The following DRD2 variants were observed in gnomAD, a reference collection of about 807,000 sequenced individuals.
DRD2 encodes D(2) dopamine receptor.
DRD2 carries 8 observed loss-of-function variants against 38.0 expected under a neutral mutation model. That is an observed-to-expected ratio of 0.21 (90% CI 0.12 to 0.38). The LOEUF (loss-of-function observed/expected upper bound fraction) is 0.38. Ranked by LOEUF, DRD2 falls within the 10% of genes least tolerant of loss-of-function variation. DRD2 has a pLI of 1.00. For missense variants in DRD2, 403 were observed against 607.7 expected (o/e 0.66, Z 3.54); for synonymous variants, 230 against 238.6 (o/e 0.96, Z 0.33).
At position 113,415,619 on chromosome 11, in the gene DRD2, AGG is replaced by A; in HGVS notation, c.533-10_533-9del. 6.2e-7 allele frequency: 1 copy of A among 1,609,170 alleles called. No homozygotes were observed. Among genetic ancestry groups the A allele is most frequent in the Non-Finnish European group, 8.5e-7 (1 of 1,177,474 alleles). On this transcript the variant is annotated splice_polypyrimidine_tract_variant and intron_variant, in intron 4 of 7. Transcript: ENST00000362072. Reference sequence around the variant, plus strand: ...TGATGCACTCGTTCTGGTCTGGGGGAGGGAGAGCCCGGGCAGGCAGGGAGTCA... The same window carrying A: ...TGATGCACTCGTTCTGGTCTGGGGGAGAGAGCCCGGGCAGGCAGGGAGTCA...
At chr11:113,447,145 A>G (rs1460549745) in intron 1 of DRD2, among the ~76,000 whole-genome samples, 1 of 152,110 alleles carries the variant, frequency 6.6e-6, no homozygotes, top group African/African-American at 2.4e-5. Flanking sequence ...CAGCCTCCAA[A>G]GACAGCAGCC....
At chr11:113,463,274 C>T (rs1951339474) in intron 1 of DRD2, among the ~76,000 whole-genome samples, 1 of 152,152 alleles carries the variant, frequency 6.6e-6, no homozygotes, top group Non-Finnish European at 1.5e-5. Flanking sequence ...ATTTTTGGAG[C>T]TGGTTAAATT....
intron 1 of DRD2, among the ~76,000 whole-genome samples, chr11:113,450,894 A>G (rs1379015320): frequency 6.6e-6 from 1 of 152,190 alleles, no homozygotes; most frequent in Non-Finnish European, 1.5e-5. Context: ...AATAAAATAG[A>G]CTTTTGGAGG....
intron 1 of DRD2, among the ~76,000 whole-genome samples, chr11:113,426,412 A>G (rs1950942035): frequency 6.6e-6 from 1 of 152,238 alleles, no homozygotes; most frequent in Non-Finnish European, 1.5e-5. Context: ...TTCAGCTAAC[A>G]AAAGTCTTCC....
intron 1 of DRD2, among the ~76,000 whole-genome samples, chr11:113,442,147 T>C (rs1465687897): frequency 1.3e-5 from 2 of 152,138 alleles, no homozygotes; most frequent in African/African-American, 4.8e-5. Context: ...TTGCCTTAGC[T>C]TGGAAGTGGC....
intron 1 of DRD2, among the ~76,000 whole-genome samples, chr11:113,435,425 C>G (rs1012133979): frequency 6.6e-6 from 1 of 151,978 alleles, no homozygotes; most frequent in South Asian, 2.1e-4. Context: ...AAATCCTCAC[C>G]GCTCCGATAC....
chr11:113,468,329 A>G (rs1256965517), intron 1 of DRD2, among the ~76,000 whole-genome samples: 9 of 152,190 alleles, frequency 5.9e-5, no homozygotes, highest in Admixed American at 2.6e-4. Flanking sequence ...TAAATAGGTG[A>G]CTAAATATTG....
At chr11:113,471,429 T>C (rs1046754483) in intron 1 of DRD2, among the ~76,000 whole-genome samples, 6 of 152,144 alleles carry the variant, frequency 3.9e-5, no homozygotes, top group Non-Finnish European at 7.4e-5. Context: ...GGCTTATACC[T>C]AATCCCAAGG....
chr11:113,467,250 T>C (rs1951379293), intron 1 of DRD2, among the ~76,000 whole-genome samples: 1 of 152,190 alleles, frequency 6.6e-6, no homozygotes, highest in African/African-American at 2.4e-5. Flanking sequence ...CTACCATAGC[T>C]AAATGGTGAG....
At chr11:113,425,261 T>C (rs1356976296) in intron 1 of DRD2, among the ~76,000 whole-genome samples, 1 of 152,146 alleles carries the variant, frequency 6.6e-6, no homozygotes, top group Non-Finnish European at 1.5e-5. Context: ...GAAGGCTTTC[T>C]AGAGGAAGTG....
chr11:113,458,764 C>G (rs1951290185), intron 1 of DRD2, among the ~76,000 whole-genome samples: 2 of 152,186 alleles, frequency 1.3e-5, no homozygotes, highest in Admixed American at 1.3e-4. Context: ...CTCCAACTTA[C>G]CCAAGTTCTA....
intron 2 of DRD2, among the ~76,000 whole-genome samples, chr11:113,421,982 C>G (rs535362198): frequency 6.6e-6 from 1 of 152,298 alleles, no homozygotes; most frequent in African/African-American, 2.4e-5. Context: ...TTTAAAGGAT[C>G]TGTTCGAAAG....
In DRD2 at chr11:113,424,245, A is replaced by G. The variant is rs1396709858; in HGVS notation, c.285+122T>C. On this transcript the variant is annotated intron_variant, in intron 2 of 7. Coordinates refer to ENST00000362072, the MANE Select transcript of DRD2 (RefSeq NM_000795.4). The stretch of plus-strand genomic sequence containing the variant: ...GAAAAAGTAAGCCCAGAGTGAAGGA[A>G]AAACCACCTGGGGAAGCACCAGGAA... 10 of 1,154,916 alleles carry G rather than the reference A, an allele frequency of 8.7e-6. No homozygotes were observed. The African/African-American group carries it at 1.1e-4, about 13-fold the overall frequency. 71.5% of individuals were successfully genotyped at this position (1,154,916 alleles called of 1,614,324 possible). A position where few individuals can be genotyped will look rare whatever the true frequency, so the allele number is the denominator to read the frequency against.
intron 1 of DRD2, among the ~76,000 whole-genome samples, chr11:113,432,626 G>C (rs1450734171): frequency 6.6e-6 from 1 of 152,172 alleles, no homozygotes; most frequent in African/African-American, 2.4e-5. Context: ...AGTAGAGGGG[G>C]AGAAGAAAGC....
At chr11:113,441,135 G>C (rs1352593454) in intron 1 of DRD2, among the ~76,000 whole-genome samples, 1 of 152,174 alleles carries the variant, frequency 6.6e-6, no homozygotes, top group Non-Finnish European at 1.5e-5. Flanking sequence ...CCCTCCAATG[G>C]ATGCTGAAGT....
chr11:113,456,629 A>T (rs997821886), intron 1 of DRD2, among the ~76,000 whole-genome samples: 5 of 152,206 alleles, frequency 3.3e-5, no homozygotes, highest in Non-Finnish European at 7.3e-5. Flanking sequence ...TGAAGACAGC[A>T]TGCTAAGGGA....
intron 1 of DRD2, among the ~76,000 whole-genome samples, chr11:113,463,098 G>A (rs1215323459): frequency 1.3e-5 from 2 of 152,226 alleles, no homozygotes; most frequent in South Asian, 2.1e-4. Flanking sequence ...TGGTGGTGCT[G>A]TAGCCCCATC....
At chr11:113,450,869 A>T (rs1042714972) in intron 1 of DRD2, among the ~76,000 whole-genome samples, 1 of 152,264 alleles carries the variant, frequency 6.6e-6, no homozygotes, top group African/African-American at 2.4e-5. Flanking sequence ...TACCAGGGTA[A>T]CTATGCATTG....
Position 113,410,382 on chromosome 11 carries a change from G to C in DRD2, c.*345C>G. 1 of 464,392 alleles carries C rather than the reference G, an allele frequency of 2.2e-6. No homozygotes were observed. Among genetic ancestry groups the C allele is most frequent in the Non-Finnish European group, 4.0e-6 (1 of 251,776 alleles). 28.8% of individuals were successfully genotyped at this position (464,392 alleles called of 1,614,324 possible). ...ACTCAGCCTCTGGGCCCTGACTCAG[G>C]CTCCAGCAACCCTAGAGCCCCAGAG... On this transcript the variant is annotated 3_prime_UTR_variant, in exon 8 of 8. Transcript: ENST00000362072.
Sources: gnomAD v4.1 joint callset for allele counts (sites outside exome capture counted in the v4.1 genomes callset) on GRCh38, gnomAD v4.1.1 for gene constraint, MANE v1.5 for transcripts, NCBI Gene and HGNC (gene_info 2026-07-23, HGNC 2026-07-21) for gene names.